Variants in KCNT2 observed in about 807,000 individuals in gnomAD.
KCNT2 encodes potassium channel subfamily T member 2.
Under a neutral mutation model 153.8 loss-of-function variants are expected in KCNT2, and 67 were observed. That is an observed-to-expected ratio of 0.44 (90% CI 0.36 to 0.53). The LOEUF is 0.53. KCNT2 is among the 20% of genes least tolerant of loss of function. KCNT2 has a pLI of 0.00. For missense variants in KCNT2, 975 were observed against 1,354.8 expected (o/e 0.72, Z 4.40); for synonymous variants, 500 against 458.8 (o/e 1.09, Z -1.15).
chr1:196,320,608 A>C (rs1663202158), intron 19 of KCNT2, among the ~76,000 whole-genome samples: 2 of 151,692 alleles, frequency 1.3e-5, no homozygotes, highest in South Asian at 4.1e-4. Flanking sequence ...CCCTGGCTAG[A>C]TGAACTTTTT....
At chr1:196,408,719 A>G (rs1672038639) in intron 12 of KCNT2, among the ~76,000 whole-genome samples, 1 of 151,580 alleles carries the variant, frequency 6.6e-6, no homozygotes, top group African/African-American at 2.4e-5. Flanking sequence ...TTGATGCCTC[A>G]TTTAATTCAA....
At chr1:196,234,201 T>A (rs1046947494) in intron 27 of KCNT2, among the ~76,000 whole-genome samples, 3 of 151,234 alleles carry the variant, frequency 2.0e-5, no homozygotes, top group Admixed American at 6.6e-5. Context: ...TCAATAAACT[T>A]AATTAATTAG....
chr1:196,545,868 C>A (rs1380402030), intron 1 of KCNT2, among the ~76,000 whole-genome samples: 4 of 151,980 alleles, frequency 2.6e-5, no homozygotes, highest in Non-Finnish European at 5.9e-5. Flanking sequence ...CAAACTTCAT[C>A]CATATTGTAC....
At chr1:196,262,069 G>A (rs193231153) in intron 25 of KCNT2, among the ~76,000 whole-genome samples, 3 of 151,614 alleles carry the variant, frequency 2.0e-5, no homozygotes, top group African/African-American at 7.3e-5. Context: ...TTCTTCACAT[G>A]AATAATAATT....
chr1:196,394,698 A>G (rs2148424913), intron 13 of KCNT2, among the ~76,000 whole-genome samples: 1 of 150,926 alleles, frequency 6.6e-6, no homozygotes, highest in East Asian at 2.0e-4. Context: ...GAATAGAAAG[A>G]AAAAAAAACT....
At chr1:196,344,867 G>T (rs573254452) in intron 14 of KCNT2, among the ~76,000 whole-genome samples, 1 of 151,572 alleles carries the variant, frequency 6.6e-6, no homozygotes, top group Non-Finnish European at 1.5e-5. Context: ...ATGTCATTTC[G>T]TTGGAATTTT....
chr1:196,372,819 C>A (rs948252280), intron 14 of KCNT2, among the ~76,000 whole-genome samples: 2 of 151,832 alleles, frequency 1.3e-5, no homozygotes, highest in Non-Finnish European at 2.9e-5. Context: ...TCATTTGCTG[C>A]AGAAGTATTC....
rs891214170 is a variant in KCNT2, at chr1:196,226,611, C to T, written c.*1613G>A. 3 of 152,040 alleles carry T rather than the reference C, an allele frequency of 2.0e-5. No homozygotes were observed. Among genetic ancestry groups the T allele is most frequent in the Admixed American group, 6.5e-5 (1 of 15,290 alleles). The allele number at this position is 152,040 out of a possible 1,614,324, so 9.4% of individuals were successfully genotyped here. On this transcript the variant is annotated 3_prime_UTR_variant, in exon 28 of 28. Coordinates refer to ENST00000294725, the MANE Select transcript of KCNT2 (RefSeq NM_198503.5). ...GTAAAATACCAAAAAGAAAAAAAGA[C>T]ATTTCATAGCCTCCAAGCCAAATTA...
intron 5 of KCNT2, among the ~76,000 whole-genome samples, chr1:196,469,945 G>A (rs994918956): frequency 6.6e-6 from 1 of 152,122 alleles, no homozygotes; most frequent in African/African-American, 2.4e-5. Flanking sequence ...CTATAAAATT[G>A]GGACTCTTTC....
chr1:196,463,494 T>A lies in KCNT2; in HGVS notation c.638+1799A>T, dbSNP rs1053692371. Among the ~76,000 whole-genome samples the A allele has an allele frequency of 2.0e-5, 3 of 151,860 alleles. No individual in the cohort carries two copies. In the South Asian group the frequency reaches 6.2e-4, roughly 31 times the overall value. Reference sequence around the variant, plus strand: ...CAATAAAATTGTATGTAGTTAAACTTAATGTTATGTAATTATTGCACATTA... The same window carrying A: ...CAATAAAATTGTATGTAGTTAAACTAAATGTTATGTAATTATTGCACATTA... On this transcript the variant is annotated intron_variant, in intron 8 of 27. Coordinates refer to ENST00000294725, the MANE Select transcript of KCNT2 (RefSeq NM_198503.5).
chr1:196,335,828 C>T (rs1256289409), intron 16 of KCNT2, among the ~76,000 whole-genome samples: 1 of 152,118 alleles, frequency 6.6e-6, no homozygotes, highest in East Asian at 1.9e-4. Flanking sequence ...TCACTGATTT[C>T]CTAACACTAG....
intron 1 of KCNT2, among the ~76,000 whole-genome samples, chr1:196,594,689 T>A (rs1254478125): frequency 6.6e-6 from 1 of 152,060 alleles, no homozygotes; most frequent in Non-Finnish European, 1.5e-5. Flanking sequence ...CAAAATGTCA[T>A]TAATAACTCT....
chr1:196,399,861 G>A (rs1369171087), intron 12 of KCNT2, among the ~76,000 whole-genome samples: 10 of 151,818 alleles, frequency 6.6e-5, no homozygotes, highest in African/African-American at 2.2e-4. Flanking sequence ...TAAGGATGTT[G>A]CAAGAAGACA....
At chr1:196,331,530 T>C (rs1312711642) in intron 17 of KCNT2, among the ~76,000 whole-genome samples, 1 of 152,094 alleles carries the variant, frequency 6.6e-6, no homozygotes, top group Non-Finnish European at 1.5e-5. Context: ...GCGAAAATTA[T>C]ACGAAGTTCA....
At chr1:196,367,859 A>G (rs563835870) in intron 14 of KCNT2, among the ~76,000 whole-genome samples, 130 of 152,300 alleles carry the variant, frequency 8.5e-4, no homozygotes, top group African/African-American at 3.0e-3. Context: ...GACTCATGGA[A>G]AGCCTTAAAT....
intron 1 of KCNT2, among the ~76,000 whole-genome samples, chr1:196,497,675 G>A (rs1394611376): frequency 6.6e-6 from 1 of 151,938 alleles, no homozygotes; most frequent in Non-Finnish European, 1.5e-5. Flanking sequence ...TATCAGTAAT[G>A]GATGGGTATT....
intron 13 of KCNT2, among the ~76,000 whole-genome samples, chr1:196,387,066 T>A (rs901831593): frequency 2.6e-5 from 4 of 152,036 alleles, no homozygotes; most frequent in African/African-American, 9.7e-5. Context: ...AATTTTATCA[T>A]GGTATTAATT....
At chr1:196,528,791 T>C (rs1164032881) in intron 1 of KCNT2, among the ~76,000 whole-genome samples, 1 of 152,144 alleles carries the variant, frequency 6.6e-6, no homozygotes, top group Non-Finnish European at 1.5e-5. Flanking sequence ...CCATCTGCAA[T>C]GCTGGCAGCC....
intron 14 of KCNT2, among the ~76,000 whole-genome samples, chr1:196,359,271 T>A (rs1348228996): frequency 2.6e-5 from 4 of 151,990 alleles, no homozygotes; most frequent in Non-Finnish European, 5.9e-5. Flanking sequence ...TTAAAGAAAG[T>A]CTGGGCCGTG....
Sources: gnomAD v4.1 joint callset for allele counts (sites outside exome capture counted in the v4.1 genomes callset) on GRCh38, gnomAD v4.1.1 for gene constraint, MANE v1.5 for transcripts, NCBI Gene and HGNC (gene_info 2026-07-23, HGNC 2026-07-21) for gene names.